Variants in IFT52 observed in about 807,000 individuals in gnomAD.
The protein encoded by IFT52 is intraflagellar transport 52.
In IFT52, 44 loss-of-function variants were observed where a neutral mutation model predicts 54.4. The observed-to-expected ratio is 0.81, with a 90% confidence interval of 0.63 to 1.04. IFT52 has a LOEUF of 1.04. Among genes scored for constraint, IFT52 ranks in the 50% least tolerant of loss-of-function variants. The probability of loss-of-function intolerance (pLI) is 0.00; values close to 1 mark genes in which losing one functional copy is unlikely to be tolerated. For missense variants in IFT52, 452 were observed against 523.6 expected (o/e 0.86, Z 1.33); for synonymous variants, 181 against 185.3 (o/e 0.98, Z 0.19).
At chr20:43,645,531 T>A (rs1986146959) in intron 13 of IFT52, among the ~76,000 whole-genome samples, 1 of 53,690 alleles carries the variant, frequency 1.9e-5, no homozygotes, top group Admixed American at 2.1e-4. Context: ...CACTCCAGCC[T>A]GGGTGACAGA....
At chr20:43,596,587 G>A (rs759769470) in intron 3 of IFT52, 65 bp downstream of exon 3, 55 of 1,071,564 alleles carry the variant, frequency 5.1e-5, no homozygotes, top group African/African-American at 2.6e-4. Context: ...TTGAAATACC[G>A]GATTTGAATC....
intron 6 of IFT52, among the ~76,000 whole-genome samples, chr20:43,609,841 C>T (rs1487039043): frequency 6.7e-6 from 1 of 148,744 alleles, no homozygotes; most frequent in African/African-American, 2.5e-5. Flanking sequence ...CCCAGCTACT[C>T]GGGAGGCTGA....
intron 1 of IFT52, among the ~76,000 whole-genome samples, chr20:43,592,006 A>G (rs898674281): frequency 8.5e-5 from 13 of 152,244 alleles, no homozygotes; most frequent in African/African-American, 2.9e-4. Context: ...ACTGTATTTC[A>G]AATCAGCATT....
intron 10 of IFT52, among the ~76,000 whole-genome samples, chr20:43,634,977 T>A (rs536687379): frequency 1.3e-5 from 2 of 152,092 alleles, no homozygotes; most frequent in Non-Finnish European, 1.5e-5. Context: ...AAGACCAGCC[T>A]GACCAACATG....
chr20:43,591,521 G>T (rs1473732938), intron 1 of IFT52, among the ~76,000 whole-genome samples: 1 of 152,068 alleles, frequency 6.6e-6, no homozygotes, highest in Non-Finnish European at 1.5e-5. Context: ...ACGCAGACCT[G>T]CTACTCTCAC....
intron 6 of IFT52, among the ~76,000 whole-genome samples, chr20:43,610,717 C>T (rs913020367): frequency 6.7e-6 from 1 of 149,210 alleles, no homozygotes; most frequent in African/African-American, 2.5e-5. Flanking sequence ...CTAGCCTGGG[C>T]GACAGAGCGA....
chr20:43,621,170 A>G, intron 9 of IFT52: 1 of 314,030 alleles, frequency 3.2e-6, no homozygotes, highest in Non-Finnish European at 5.8e-6. Flanking sequence ...TATAAATTAG[A>G]ATTTAAATTA....
intron 2 of IFT52, among the ~76,000 whole-genome samples, chr20:43,595,173 C>G (rs992390994): frequency 6.6e-6 from 1 of 151,886 alleles, no homozygotes; most frequent in East Asian, 1.9e-4. Flanking sequence ...AAAAAATTAG[C>G]GAAGTGTGGT....
chr20:43,647,142 A>T lies in IFT52; in HGVS notation c.*159A>T. The stretch of plus-strand genomic sequence containing the variant: ...TCTGTAATACTCAGATAGGTATAAG[A>T]TTTTTCACAAAATCCTTATGTAAGA... On this transcript the variant is annotated 3_prime_UTR_variant, in exon 14 of 14. Coordinates refer to ENST00000373030, the MANE Select transcript of IFT52 (RefSeq NM_016004.5). 1.6e-6 allele frequency: 1 copy of T among 636,224 alleles called. No individual in the cohort carries two copies. The highest frequency in any genetic ancestry group is 2.8e-6 in the Non-Finnish European group (1 of 361,656). The allele number at this position is 636,224 out of a possible 1,614,324, so 39.4% of individuals were successfully genotyped here. A position where few individuals can be genotyped will look rare whatever the true frequency, so the allele number is the denominator to read the frequency against.
intron 9 of IFT52, among the ~76,000 whole-genome samples, chr20:43,622,042 A>G (rs1984340074): frequency 6.6e-6 from 1 of 152,136 alleles, no homozygotes; most frequent in Non-Finnish European, 1.5e-5. Flanking sequence ...CCTAATTCAA[A>G]CTGCACTTAC....
Position 43,642,600 on chromosome 20 carries a change from G to A in IFT52, c.1242G>A (p.Val414=). The change falls in exon 13 of 14, where the codon GTG becomes GTA. Residue 414 remains valine (V), a synonymous_variant. Coordinates refer to ENST00000373030, the MANE Select transcript of IFT52 (RefSeq NM_016004.5). ...TCCTTGAGCACGTCTTCTTCCAAGT[G>A]GTGGAGTTCAAGAAATTGAACCAGG... ...KHILEHVFFQ[V]VEFKKLNQEH... is the part of the protein sequence containing the mutation. 1 of 1,614,126 alleles carries A rather than the reference G, an allele frequency of 6.2e-7. No homozygotes were observed.
intron 3 of IFT52, among the ~76,000 whole-genome samples, chr20:43,597,666 G>A (rs1601021469): frequency 6.6e-6 from 1 of 152,070 alleles, no homozygotes; most frequent in African/African-American, 2.4e-5. Flanking sequence ...GGCTGAGAAG[G>A]GTGGATCACT....
At chr20:43,592,606 G>GT (rs1264056355) in intron 1 of IFT52, among the ~76,000 whole-genome samples, 3 of 151,668 alleles carry the variant, frequency 2.0e-5, no homozygotes, top group Non-Finnish European at 4.4e-5. Flanking sequence ...AAGTACTGAA[G>GT]TAAAGCATTG....
intron 6 of IFT52, among the ~76,000 whole-genome samples, chr20:43,606,842 C>T (rs1159708300): frequency 6.6e-6 from 1 of 152,126 alleles, no homozygotes; most frequent in Non-Finnish European, 1.5e-5. Context: ...TCTTGCACCG[C>T]CCTTAATCCA....
intron 3 of IFT52, among the ~76,000 whole-genome samples, chr20:43,597,578 C>G (rs190064147): frequency 6.6e-6 from 1 of 152,024 alleles, no homozygotes; most frequent in East Asian, 1.9e-4. Flanking sequence ...TATGGTAGTT[C>G]CTCAAAAATT....
chr20:43,590,977 C>T lies in IFT52; in HGVS notation c.-84C>T, dbSNP rs1282545949. 1 of 152,302 alleles carries T rather than the reference C, an allele frequency of 6.6e-6. No individual in the cohort carries two copies. Among genetic ancestry groups the T allele is most frequent in the Non-Finnish European group, 1.5e-5 (1 of 68,064 alleles). 9.4% of individuals were successfully genotyped at this position (152,302 alleles called of 1,614,324 possible). A position where few individuals can be genotyped will look rare whatever the true frequency, so the allele number is the denominator to read the frequency against. On this transcript the variant is annotated 5_prime_UTR_variant, in exon 1 of 14. Coordinates refer to ENST00000373030, the MANE Select transcript of IFT52 (RefSeq NM_016004.5). ...CCTCCCGGCGCACCGACGCGCCTCTCCGGTTACTAAGCGGCCTTGGATACC... is the reference window on the plus strand; with the variant it reads ...CCTCCCGGCGCACCGACGCGCCTCTTCGGTTACTAAGCGGCCTTGGATACC...
Position 43,613,959 on chromosome 20 carries a change from G to T in IFT52, c.595G>T (p.Ala199Ser). The T allele has an allele frequency of 6.2e-7, 1 of 1,613,772 alleles. No homozygotes were observed. Among genetic ancestry groups the T allele is most frequent in the Non-Finnish European group, 8.5e-7 (1 of 1,179,776 alleles). The change falls in exon 7 of 14, where the codon GCT becomes TCT. Residue 199 changes from alanine (A) to serine (S), a missense_variant. Coordinates refer to ENST00000373030, the MANE Select transcript of IFT52 (RefSeq NM_016004.5). ...VCFPLNRPIL[A>S]FYHSKNQGGK... ...CTTCCCACTTAACAGACCCATTTTG[G>T]CTTTCTATCACTCAAAGGTACAGCT...
chr20:43,599,135 A>C (rs1444761999), intron 3 of IFT52, among the ~76,000 whole-genome samples: 1 of 152,194 alleles, frequency 6.6e-6, no homozygotes, highest in Admixed American at 6.5e-5. Flanking sequence ...ACTCCTACCC[A>C]CTGAGACCCT....
Position 43,636,018 on chromosome 20 carries a change from G to C in IFT52, c.1011+5G>C, listed in dbSNP as rs1453842332. On this transcript the variant is annotated splice_donor_5th_base_variant and intron_variant, in intron 11 of 13. Transcript: ENST00000373030. Reference sequence around the variant, plus strand: ...CTGCCAACCCTTCAGCCTGCGGTGAGTAGGTGTGCTTGGGAGATCCCACTG... The same window carrying C: ...CTGCCAACCCTTCAGCCTGCGGTGACTAGGTGTGCTTGGGAGATCCCACTG... 1 of 1,613,850 alleles carries C rather than the reference G, an allele frequency of 6.2e-7. No individual in the cohort carries two copies. Among genetic ancestry groups the C allele is most frequent in the Non-Finnish European group, 8.5e-7 (1 of 1,179,858 alleles).
Sources: gnomAD v4.1 joint callset for allele counts (sites outside exome capture counted in the v4.1 genomes callset) on GRCh38, gnomAD v4.1.1 for gene constraint, MANE v1.5 for transcripts, NCBI Gene and HGNC (gene_info 2026-07-23, HGNC 2026-07-21) for gene names.